The following TLK2 variants were observed in gnomAD, a reference collection of about 807,000 sequenced individuals.
TLK2 encodes the protein serine/threonine-protein kinase tousled-like 2.
A neutral mutation model predicts 117.3 loss-of-function variants in TLK2; 6 were observed. That is an observed-to-expected ratio of 0.05 (90% CI 0.03 to 0.10). The LOEUF is 0.10. Among genes scored for constraint, TLK2 ranks in the 10% least tolerant of loss-of-function variants. TLK2 has a pLI of 1.00. For synonymous variants in TLK2, 257 were observed against 316.7 expected (o/e 0.81, Z 2.00); for missense variants, 299 against 901.2 (o/e 0.33, Z 8.56).
intron 19 of TLK2, 112 bp from the exon 20 acceptor site, chr17:62,606,018 A>AC: frequency 2.1e-6 from 1 of 469,922 alleles, no homozygotes; most frequent in African/African-American, 2.0e-5. Context: ...AAAAAAAAAA[A>AC]AAAAAAAACG....
chr17:62,603,688 G>A (rs1351907994), intron 19 of TLK2, among the ~76,000 whole-genome samples: 1 of 152,108 alleles, frequency 6.6e-6, no homozygotes, highest in Non-Finnish European at 1.5e-5. Flanking sequence ...TTGGCCACAT[G>A]TTGATAATTC....
At chr17:62,536,063 T>G in intron 6 of TLK2, 107 bp from the exon 7 acceptor site, 1 of 1,326,700 alleles carries the variant, frequency 7.5e-7, no homozygotes. Context: ...CCTTTTTAAA[T>G]AAACCATTCA....
chr17:62,500,243 CTTTATA>C (rs1175833807), intron 2 of TLK2, among the ~76,000 whole-genome samples: 1 of 151,530 alleles, frequency 6.6e-6, no homozygotes, highest in Non-Finnish European at 1.5e-5. Context: ...CTAATTGTAT[CTTTATA>C]TTTAAAAGAA....
At chr17:62,599,404 C>G (rs1298673862) in intron 17 of TLK2, among the ~76,000 whole-genome samples, 1 of 152,228 alleles carries the variant, frequency 6.6e-6, no homozygotes, top group Non-Finnish European at 1.5e-5. Context: ...TGTTTGCTCT[C>G]AGTTCTGTTC....
chr17:62,545,578 T>C (rs562878539), intron 7 of TLK2, among the ~76,000 whole-genome samples: 104 of 152,104 alleles, frequency 6.8e-4, no homozygotes, highest in Non-Finnish European at 8.4e-4. Flanking sequence ...GATTGTGCCA[T>C]TGCGCTCCAG....
At chr17:62,586,792 G>T (rs2081638942) in intron 16 of TLK2, among the ~76,000 whole-genome samples, 1 of 151,342 alleles carries the variant, frequency 6.6e-6, no homozygotes, top group African/African-American at 2.4e-5. Flanking sequence ...CTGCACTCCA[G>T]CCTGGGTGAT....
intron 2 of TLK2, chr17:62,516,629 T>A: frequency 6.2e-7 from 1 of 1,610,196 alleles, no homozygotes; most frequent in Non-Finnish European, 8.5e-7. Flanking sequence ...TGCATGGCCT[T>A]CATGACATGA....
intron 17 of TLK2, among the ~76,000 whole-genome samples, chr17:62,597,698 G>A (rs898996843): frequency 1.3e-5 from 2 of 152,208 alleles, no homozygotes; most frequent in Non-Finnish European, 2.9e-5. Flanking sequence ...GGATCTCAGA[G>A]TCCAGCCTTT....
At chr17:62,561,297 A>C (rs1272909201) in intron 10 of TLK2, among the ~76,000 whole-genome samples, 7 of 152,220 alleles carry the variant, frequency 4.6e-5, no homozygotes, top group Non-Finnish European at 1.0e-4. Context: ...ATACATGTGC[A>C]TGTGTCTTTA....
chr17:62,487,105 A>C (rs2072486436), intron 2 of TLK2, among the ~76,000 whole-genome samples: 1 of 152,196 alleles, frequency 6.6e-6, no homozygotes, highest in African/African-American at 2.4e-5. Flanking sequence ...CGTCCTGGCC[A>C]ACATGCCAAA....
chr17:62,492,512 C>T (rs2073208202), intron 2 of TLK2, among the ~76,000 whole-genome samples: 1 of 151,734 alleles, frequency 6.6e-6, no homozygotes, highest in Non-Finnish European at 1.5e-5. Context: ...GGCTGGAGTG[C>T]AGTGGCACGA....
intron 16 of TLK2, among the ~76,000 whole-genome samples, chr17:62,595,654 G>A (rs1184960505): frequency 6.6e-6 from 1 of 151,876 alleles, no homozygotes; most frequent in African/African-American, 2.4e-5. Flanking sequence ...TTGACCGAAG[G>A]GTTGTTCTGC....
At chr17:62,557,359 C>G (rs1296371787) in intron 9 of TLK2, among the ~76,000 whole-genome samples, 1 of 152,122 alleles carries the variant, frequency 6.6e-6, no homozygotes, top group Admixed American at 6.6e-5. Context: ...TGAAATATGA[C>G]AAGAAGTATT....
At chr17:62,561,401 G>A (rs539922308) in intron 10 of TLK2, among the ~76,000 whole-genome samples, 3 of 152,300 alleles carry the variant, frequency 2.0e-5, no homozygotes, top group Admixed American at 6.5e-5. Flanking sequence ...GAGGAATTGC[G>A]GGGTTTCGCC....
intron 15 of TLK2, among the ~76,000 whole-genome samples, chr17:62,582,883 G>T (rs1401533069): frequency 6.6e-6 from 1 of 152,002 alleles, no homozygotes; most frequent in African/African-American, 2.4e-5. Flanking sequence ...CTCATACTAC[G>T]TCTTTTTATA....
At chr17:62,538,741 A>G (rs1427163784) in intron 7 of TLK2, among the ~76,000 whole-genome samples, 2 of 152,220 alleles carry the variant, frequency 1.3e-5, no homozygotes, top group Admixed American at 1.3e-4. Flanking sequence ...AGGAACATGG[A>G]AACAGTATGA....
intron 2 of TLK2, among the ~76,000 whole-genome samples, chr17:62,503,146 G>T (rs1324902164): frequency 7.4e-6 from 1 of 135,828 alleles, no homozygotes; most frequent in Non-Finnish European, 1.5e-5. Flanking sequence ...GGCAAGCTCC[G>T]CCTCCCAGGT....
chr17:62,499,155 C>G (rs2073971368), intron 2 of TLK2, among the ~76,000 whole-genome samples: 1 of 151,452 alleles, frequency 6.6e-6, no homozygotes, highest in Non-Finnish European at 1.5e-5. Flanking sequence ...AGCCTGGCGA[C>G]CACGGCAAAA....
intron 2 of TLK2, among the ~76,000 whole-genome samples, chr17:62,496,315 A>T (rs2073679813): frequency 6.6e-6 from 1 of 151,940 alleles, no homozygotes; most frequent in Non-Finnish European, 1.5e-5. Flanking sequence ...TTTCCTGTTG[A>T]TGGACACTTA....
Sources: gnomAD v4.1 joint callset for allele counts (sites outside exome capture counted in the v4.1 genomes callset) on GRCh38, gnomAD v4.1.1 for gene constraint, MANE v1.5 for transcripts, NCBI Gene and HGNC (gene_info 2026-07-23, HGNC 2026-07-21) for gene names.